PGLYRP3: variants seen among roughly 807,000 people sequenced by gnomAD.
The protein encoded by PGLYRP3 is peptidoglycan recognition protein I alpha.
In PGLYRP3, 39 loss-of-function variants were observed where a neutral mutation model predicts 36.0. The ratio of observed to expected loss-of-function variants is 1.08; its 90% CI spans 0.84 to 1.41. PGLYRP3 has a LOEUF of 1.41. PGLYRP3 is among the 40% of genes most tolerant of loss of function. The pLI, the probability that PGLYRP3 is intolerant of heterozygous loss-of-function variation, is 0.00. For synonymous variants in PGLYRP3, 204 were observed against 172.8 expected (o/e 1.18, Z -1.42); for missense variants, 407 against 427.9 (o/e 0.95, Z 0.43).
chr1:153,311,817 C>T (rs1375939755), intron 1 of PGLYRP3, among the ~76,000 whole-genome samples: 1 of 152,212 alleles, frequency 6.6e-6, no homozygotes, highest in Non-Finnish European at 1.5e-5. Flanking sequence ...AAGAGTAGAA[C>T]ATGTGGAAGC....
chr1:153,298,762 C>G (rs1164264196), intron 7 of PGLYRP3, among the ~76,000 whole-genome samples: 2 of 152,182 alleles, frequency 1.3e-5, no homozygotes, highest in African/African-American at 4.8e-5. Context: ...TTTTCCATAA[C>G]AGGCAGTGGT....
rs779076910 is a variant in PGLYRP3, at chr1:153,303,928, C to G, written c.458G>C (p.Arg153Thr). The part of the protein sequence containing the change: ...YAIQKGHLSP[R>T]YIQPLLLKEE... ...TTTCAGAAGAAGTGGCTGAATATAC[C>G]TGGGCGACAGGTGACCCTTCTGGAT... Residue 153 changes from arginine (R) to threonine (T), a missense_variant, in exon 5 of 8, where the codon AGG becomes ACG. Transcript: ENST00000683862. The G allele has an allele frequency of 1.2e-6, 2 of 1,614,020 alleles. No homozygotes were observed. Among genetic ancestry groups the G allele is most frequent in the Non-Finnish European group, 1.7e-6 (2 of 1,179,994 alleles).
chr1:153,297,531 G>A lies in PGLYRP3; in HGVS notation c.*425C>T, dbSNP rs1557805214. ...GGAAGGAAGGAAGGAAGGAAGGAAGGAAGGAAGGAAGGAAGGAAGGAAAGA... is the reference window on the plus strand; with the variant it reads ...GGAAGGAAGGAAGGAAGGAAGGAAGAAAGGAAGGAAGGAAGGAAGGAAAGA... On this transcript the variant is annotated 3_prime_UTR_variant, in exon 8 of 8. Transcript: ENST00000683862. Among the ~76,000 whole-genome samples, 50 of 85,744 alleles carry A rather than the reference G, an allele frequency of 5.8e-4. No homozygotes were observed. Among genetic ancestry groups the A allele is most frequent in the African/African-American group, 2.2e-3 (46 of 21,044 alleles). The allele number at this position is 85,744 out of a possible 152,430, so 56.3% of individuals were successfully genotyped here. A position where few individuals can be genotyped will look rare whatever the true frequency, so the allele number is the denominator to read the frequency against.
intron 2 of PGLYRP3, 138 bp downstream of exon 2, chr1:153,310,473 A>G: frequency 1.2e-6 from 1 of 848,646 alleles, no homozygotes; most frequent in Non-Finnish European, 2.0e-6. Context: ...TGTAAACTCT[A>G]GAACAGGGCT....
rs189573029 is a variant in PGLYRP3 at position 153,301,567 on chromosome 1, A to G, written c.728+842T>C. On this transcript the variant is annotated intron_variant, in intron 6 of 7. Coordinates refer to ENST00000683862, the MANE Select transcript of PGLYRP3 (RefSeq NM_052891.3). ...TTCTTGTTACCTGTGCTAAATAACC[A>G]TAGAAAGCCTATGGAAAATCCTGCA... Among the ~76,000 whole-genome samples, 353 of 152,372 alleles carry G rather than the reference A, an allele frequency of 2.3e-3. 3 individuals are homozygous for G. Among genetic ancestry groups the G allele is most frequent in the African/African-American group, 7.6e-3 (315 of 41,596 alleles).
intron 3 of PGLYRP3, 23 bp downstream of exon 3, chr1:153,307,043 C>CA (rs1557810968): frequency 6.2e-7 from 1 of 1,610,534 alleles, no homozygotes; most frequent in East Asian, 2.2e-5. Flanking sequence ...ATGTGGGCCT[C>CA]AGGGACTTGG....
intron 3 of PGLYRP3, among the ~76,000 whole-genome samples, chr1:153,306,678 G>T (rs147335733): frequency 6.6e-6 from 1 of 152,132 alleles, no homozygotes; most frequent in East Asian, 1.9e-4. Flanking sequence ...TGGCTTTCCC[G>T]CCTGTGAAAT....
At position 153,302,504 on chromosome 1, in the gene PGLYRP3, G is replaced by A. The variant is rs1659621889; in HGVS notation, c.633C>T (p.Gly211=). 1 of 1,614,112 alleles carries A rather than the reference G, an allele frequency of 6.2e-7. No homozygotes were observed. The highest frequency in any genetic ancestry group is 1.3e-5 in the African/African-American group (1 of 74,938). The change falls in exon 6 of 8, where the codon GGC becomes GGT. Residue 211 remains glycine, a synonymous_variant. Coordinates refer to ENST00000683862, the MANE Select transcript of PGLYRP3 (RefSeq NM_052891.3). ...AKYVIIIHTA[G]TSCTVSTDCQ... ...AGTCTGTGGATACAGTGCAGCTTGTGCCAGCGGTGTGGATGATGATGACAT... is the reference window on the plus strand; with the variant it reads ...AGTCTGTGGATACAGTGCAGCTTGTACCAGCGGTGTGGATGATGATGACAT...
chr1:153,299,897 T>G (rs1171195043), intron 6 of PGLYRP3, among the ~76,000 whole-genome samples: 1 of 152,194 alleles, frequency 6.6e-6, no homozygotes, highest in African/African-American at 2.4e-5. Context: ...ATTCCTCCAC[T>G]TCTTTCTAGA....
In PGLYRP3 at chr1:153,299,605, C is replaced by T. The variant is rs73014411; in HGVS notation, c.729-374G>A. On this transcript the variant is annotated intron_variant, in intron 6 of 7. Transcript: ENST00000683862. ...AACCCTCCTTGTTCTCCTCCTCCTG[C>T]TGCTCCCTCAGGCCCCTCTCCCACC... Among the ~76,000 whole-genome samples the T allele has an allele frequency of 4.2e-3, 639 of 152,282 alleles. 2 individuals carry two copies. The highest frequency in any genetic ancestry group is 0.015 in the African/African-American group (622 of 41,542).
intron 2 of PGLYRP3, among the ~76,000 whole-genome samples, chr1:153,308,629 G>C (rs1227040700): frequency 6.6e-6 from 1 of 152,214 alleles, no homozygotes; most frequent in East Asian, 1.9e-4. Context: ...CTGCAAGAGA[G>C]CACTGGTGCA....
At chr1:153,310,934 G>A (rs1432536344) in intron 1 of PGLYRP3, among the ~76,000 whole-genome samples, 1 of 152,122 alleles carries the variant, frequency 6.6e-6, no homozygotes, top group Non-Finnish European at 1.5e-5. Context: ...CTGTTGCCCT[G>A]GGCAACTCCT....
intron 5 of PGLYRP3, 40 bp downstream of exon 5, chr1:153,303,817 G>A: frequency 6.3e-7 from 1 of 1,579,528 alleles, no homozygotes; most frequent in Non-Finnish European, 8.6e-7. Context: ...ATGGCTAGGT[G>A]GTGACGAGGA....
At position 153,307,267 on chromosome 1, in the gene PGLYRP3, T is replaced by A. The variant is rs1659767152; in HGVS notation, c.56A>T (p.Asp19Val). 1.3e-6 allele frequency: 2 copies of A among 1,594,376 alleles called. No individual in the cohort carries two copies. The highest frequency in any genetic ancestry group is 1.7e-6 in the Non-Finnish European group (2 of 1,170,796). Residue 19 changes from aspartate (D) to valine (V), a missense_variant and splice_region_variant, in exon 3 of 8, where the codon GAT becomes GTT. Coordinates refer to ENST00000683862, the MANE Select transcript of PGLYRP3 (RefSeq NM_052891.3). Reference sequence around the variant, plus strand: ...CTTGCGGGAGACGATGGTGGGAGTATCTGTAGGGAAGACCACAGAATGGCA... The same window carrying A: ...CTTGCGGGAGACGATGGTGGGAGTAACTGTAGGGAAGACCACAGAATGGCA... ...AFFILGLQAW[D>V]TPTIVSRKEW...
chr1:153,307,770 A>G (rs564789843), intron 2 of PGLYRP3, among the ~76,000 whole-genome samples: 47 of 152,282 alleles, frequency 3.1e-4, no homozygotes, highest in Middle Eastern at 3.4e-3. Flanking sequence ...CAGAGCCCAC[A>G]GGAGGCTCCA....
intron 1 of PGLYRP3, among the ~76,000 whole-genome samples, chr1:153,312,381 A>C (rs912428796): frequency 6.6e-6 from 1 of 152,238 alleles, no homozygotes; most frequent in Non-Finnish European, 1.5e-5. Flanking sequence ...TCTACAGAAA[A>C]GGAAGAAATT....
At chr1:153,309,859 A>G (rs1659852750) in intron 2 of PGLYRP3, among the ~76,000 whole-genome samples, 2 of 152,236 alleles carry the variant, frequency 1.3e-5, no homozygotes, top group African/African-American at 4.8e-5. Context: ...GGGCAAGTTA[A>G]TTTCCCCATC....
Position 153,297,759 on chromosome 1 carries a change from A to C in PGLYRP3, c.*197T>G, listed in dbSNP as rs1455465456. ...AGAGGGGAAGTCTAAACTCAGACCA[A>C]GAGGGCTGTGAATGCCCAGCTGTGA... On this transcript the variant is annotated 3_prime_UTR_variant, in exon 8 of 8. Transcript: ENST00000683862. 6 of 580,378 alleles carry C rather than the reference A, an allele frequency of 1.0e-5. No individual in the cohort carries two copies. The Admixed American group carries it at 1.3e-4, about 12-fold the overall frequency. The allele number at this position is 580,378 out of a possible 1,614,324, so 36.0% of individuals were successfully genotyped here.
chr1:153,303,993 A>G lies in PGLYRP3; in HGVS notation c.393T>C (p.Pro131=). 1 of 1,613,736 alleles carries G rather than the reference A, an allele frequency of 6.2e-7. No homozygotes were observed. The highest frequency in any genetic ancestry group is 8.5e-7 in the Non-Finnish European group (1 of 1,179,704). Reference sequence around the variant, plus strand: ...GACCCTCTGCAGCTGATAAGGCAGCAGGGCTGGGACTGCTGCCTTAAAGAG... The same window carrying G: ...GACCCTCTGCAGCTGATAAGGCAGCGGGGCTGGGACTGCTGCCTTAAAGAG... ...FGNKIGSSPS[P]AALSAAEGLI... Residue 131 remains proline, a synonymous_variant, in exon 5 of 8, where the codon CCT becomes CCC. Transcript: ENST00000683862.
Sources: gnomAD v4.1 joint callset for allele counts (sites outside exome capture counted in the v4.1 genomes callset) on GRCh38, gnomAD v4.1.1 for gene constraint, MANE v1.5 for transcripts, NCBI Gene and HGNC (gene_info 2026-07-23, HGNC 2026-07-21) for gene names.